Variants in GGA3 observed in about 807,000 individuals in gnomAD.
GGA3 encodes ADP-ribosylation factor-binding protein GGA3.
GGA3 carries 57 observed loss-of-function variants against 77.5 expected under a neutral mutation model. The ratio of observed to expected loss-of-function variants is 0.74; its 90% CI spans 0.59 to 0.92. GGA3 has a LOEUF of 0.92. GGA3 is among the 40% of genes least tolerant of loss of function. The pLI is 0.00. For missense variants in GGA3, 970 were observed against 914.9 expected, an observed-to-expected ratio of 1.06 and a Z score of -0.78; for synonymous variants, 416 against 383.7, an observed-to-expected ratio of 1.08 and a Z score of -0.98.
intron 11 of GGA3, 171 bp downstream of exon 11, chr17:75,240,641 G>A (rs896366228): frequency 1.2e-5 from 9 of 762,392 alleles, no homozygotes; most frequent in Admixed American, 2.9e-5. Context: ...CCACCGGGAG[G>A]ATGGCCCTGG....
chr17:75,238,672 A>G lies in GGA3; in HGVS notation c.2041T>C (p.Leu681=). The change falls in exon 16 of 17, where the codon TTG becomes CTG. Residue 681 remains leucine, a synonymous_variant. Coordinates refer to ENST00000537686, the MANE Select transcript of GGA3 (RefSeq NM_138619.4). ...CTCACCTTCAGTGGATTGGCCAGCA[A>G]CATGACCTGGGTGATGGCTGCAGGT... is the stretch of plus-strand genomic sequence containing the variant. ...QPPAAITQVM[L]LANPLKEKVR... 3 of 1,613,426 alleles carry G rather than the reference A, an allele frequency of 1.9e-6. No homozygotes were observed. The highest frequency in any genetic ancestry group is 2.2e-5 in the East Asian group (1 of 44,886).
intron 11 of GGA3, 70 bp downstream of exon 11, chr17:75,240,742 C>G (rs1387337268): frequency 5.3e-6 from 8 of 1,507,392 alleles, no homozygotes; most frequent in Non-Finnish European, 7.1e-6. Flanking sequence ...GCTCAGGGCT[C>G]CTAATTCCAC....
chr17:75,261,676 A>C (rs1598472843), upstream of GGA3: 33 of 1,320,272 alleles, frequency 2.5e-5, no homozygotes, highest in Non-Finnish European at 3.3e-5. Context: ...TCCTGAGAGG[A>C]GTGAGTGCCG....
chr17:75,242,873 G>A lies in GGA3; in HGVS notation c.567C>T (p.Asp189=), dbSNP rs2076612729. 6.2e-7 allele frequency: 1 copy of A among 1,614,084 alleles called. No homozygotes were observed. Among genetic ancestry groups the A allele is most frequent in the Non-Finnish European group, 8.5e-7 (1 of 1,179,924 alleles). ...AKLLKSKNPD[D]LQEANKLIKS... is the part of the protein sequence containing the mutation. ...TGATGAGCTTGTTGGCCTCCTGCAGGTCATCTGGGTTTTTGCTTTTCAGCA... is the reference window on the plus strand; with the variant it reads ...TGATGAGCTTGTTGGCCTCCTGCAGATCATCTGGGTTTTTGCTTTTCAGCA... The change falls in exon 7 of 17, where the codon GAC becomes GAT. Residue 189 remains aspartate, a synonymous_variant. Transcript: ENST00000537686.
At chr17:75,253,877 C>A (rs183257640) in intron 1 of GGA3, among the ~76,000 whole-genome samples, 1 of 152,124 alleles carries the variant, frequency 6.6e-6, no homozygotes, top group Non-Finnish European at 1.5e-5. Flanking sequence ...CTTAAAACCT[C>A]GTCAACTCGC....
chr17:75,237,697 C>G lies in GGA3; in HGVS notation c.*582G>C, dbSNP rs2076367494. 1 of 1,458,316 alleles carries G rather than the reference C, an allele frequency of 6.9e-7. No individual in the cohort carries two copies. Among genetic ancestry groups the G allele is most frequent in the South Asian group, 1.4e-5 (1 of 71,814 alleles). The allele number at this position is 1,458,316 out of a possible 1,614,324, so 90.3% of individuals were successfully genotyped here. A position where few individuals can be genotyped will look rare whatever the true frequency, so the allele number is the denominator to read the frequency against. ...ACTCCGTGGCCATTCCAGGACGATG[C>G]TGTCCACCAGAGGCAGGGCTGGGGA... On this transcript the variant is annotated 3_prime_UTR_variant, in exon 17 of 17. Coordinates refer to ENST00000537686, the MANE Select transcript of GGA3 (RefSeq NM_138619.4).
At chr17:75,260,925 G>A (rs187756895) in intron 1 of GGA3, among the ~76,000 whole-genome samples, 2 of 151,944 alleles carry the variant, frequency 1.3e-5, no homozygotes, top group South Asian at 4.2e-4. Flanking sequence ...TATGTGTGTG[G>A]GGGGGGAATT....
intron 1 of GGA3, among the ~76,000 whole-genome samples, chr17:75,250,863 C>A (rs745709018): frequency 1.3e-5 from 2 of 151,242 alleles, no homozygotes; most frequent in African/African-American, 2.4e-5. Context: ...GGATCACCTG[C>A]GTGAGGTTAG....
intron 12 of GGA3, 115 bp downstream of exon 12, chr17:75,240,227 C>T (rs2076494553): frequency 1.0e-5 from 12 of 1,147,382 alleles, no homozygotes; most frequent in East Asian, 7.7e-5. Flanking sequence ...CATTGTTCCC[C>T]GCTGCAGCTG....
chr17:75,252,763 C>G (rs1239321732), intron 1 of GGA3, among the ~76,000 whole-genome samples: 2 of 152,182 alleles, frequency 1.3e-5, no homozygotes, highest in Non-Finnish European at 2.9e-5. Context: ...TGATTTGTTT[C>G]TGCCCCACCC....
Position 75,239,789 on chromosome 17 carries a change from A to G in GGA3, c.1583T>C (p.Val528Ala), listed in dbSNP as rs748922509. 1.9e-6 allele frequency: 3 copies of G among 1,613,330 alleles called. No homozygotes were observed. In the Admixed American group the frequency reaches 5.0e-5, roughly 27 times the overall value. ...CCCCACATCTCCTCCCACTCATTAC[A>G]CTTTGGCCTCTTCTAGAAGCTGATC... ...ALDQLLEEAK[V>A]TSGLVKPTTS... Residue 528 changes from valine (V) to alanine (A), a missense_variant and splice_region_variant, in exon 13 of 17, where the codon GTG (valine) becomes GCG (alanine). Physicochemically the swap from Val to Ala is moderately conservative, Grantham distance 64. Coordinates refer to ENST00000537686, the MANE Select transcript of GGA3 (RefSeq NM_138619.4).
At position 75,237,590 on chromosome 17, in the gene GGA3, G is replaced by A. The variant is rs2076363676; in HGVS notation, c.*689C>T. 4 of 1,534,282 alleles carry A rather than the reference G, an allele frequency of 2.6e-6. No individual in the cohort carries two copies. Among genetic ancestry groups the A allele is most frequent in the Non-Finnish European group, 8.7e-7 (1 of 1,145,860 alleles). ...TTCCTTCCTATCCCTAGTTGGGCCT[G>A]TCATGAGGCCAAATTCCATGTCCTG... On this transcript the variant is annotated 3_prime_UTR_variant, in exon 17 of 17. Transcript: ENST00000537686.
chr17:75,255,431 G>A (rs189630821), intron 1 of GGA3, among the ~76,000 whole-genome samples: 2 of 151,740 alleles, frequency 1.3e-5, no homozygotes, highest in East Asian at 1.9e-4. Flanking sequence ...CCTCCTTTGC[G>A]TCCTCCTCTT....
chr17:75,243,560 TC>T lies in GGA3; in HGVS notation c.310del (p.Asp104ThrfsTer7). The stretch of plus-strand genomic sequence containing the variant: ...GGTCTTCACTTTCTCAGACACCCTG[TC>T]CCCCAGGTACTACATGGCAAAAGAA... ...IKVVSPKYLG[D>X]RVSEKVKTKV... is the part of the protein sequence containing the mutation. On this transcript the variant is annotated frameshift_variant, in exon 5 of 17. Coordinates refer to ENST00000537686, the MANE Select transcript of GGA3 (RefSeq NM_138619.4). LOFTEE classifies it high-confidence loss of function. 1 of 1,613,948 alleles carries T rather than the reference TC, an allele frequency of 6.2e-7. No individual in the cohort carries two copies. The highest frequency in any genetic ancestry group is 8.5e-7 in the Non-Finnish European group (1 of 1,179,954).
Position 75,248,494 on chromosome 17 carries a change from A to AAAAAAAAAAAAT in GGA3, c.41-1699_41-1698insATTTTTTTTTTT, listed in dbSNP as rs1598419606. Among the ~76,000 whole-genome samples the AAAAAAAAAAAAT allele has an allele frequency of 2.3e-4, 32 of 136,514 alleles. 1 individual carries two copies. In the East Asian group the frequency reaches 5.1e-3, roughly 22 times the overall value. The allele number at this position is 136,514 out of a possible 152,430, so 89.6% of individuals were successfully genotyped here. The stretch of plus-strand genomic sequence containing the variant: ...AAAAAAAAAAAAAAAAAAAAAAAAA[A>AAAAAAAAAAAAT]TCACCAGCTGGGCCGGGTGCAGTGG... On this transcript the variant is annotated intron_variant, in intron 1 of 16. Transcript: ENST00000537686.
At chr17:75,251,120 GCA>G (rs768734592) in intron 1 of GGA3, among the ~76,000 whole-genome samples, 1 of 151,842 alleles carries the variant, frequency 6.6e-6, no homozygotes, top group Non-Finnish European at 1.5e-5. Context: ...TTACAAACAA[GCA>G]GAAGCAAGAA....
chr17:75,247,341 C>A lies in GGA3; in HGVS notation c.41-545G>T, dbSNP rs779428242. Among the ~76,000 whole-genome samples the A allele has an allele frequency of 2.2e-4, 33 of 151,696 alleles. 1 individual carries two copies. Among genetic ancestry groups the A allele is most frequent in the Non-Finnish European group, 3.5e-4 (24 of 67,994 alleles). On this transcript the variant is annotated intron_variant, in intron 1 of 16. Coordinates refer to ENST00000537686, the MANE Select transcript of GGA3 (RefSeq NM_138619.4). ...ACAGTGGCACGATCTCGGCTCATTG[C>A]AGCCTCTGCCTCCCGGGTTCAAGTG...
rs144123067 is a variant in GGA3 at position 75,242,636 on chromosome 17, C to T, written c.610-163G>A. On this transcript the variant is annotated intron_variant, in intron 7 of 16. Transcript: ENST00000537686. ...CTATACTTCTGCTTTCACAACACTG[C>T]TCCCAACCCACTCCTCTCTTCCGTG... is the stretch of plus-strand genomic sequence containing the variant. Among the ~76,000 whole-genome samples, 480 of 152,286 alleles carry T rather than the reference C, an allele frequency of 3.2e-3. 3 individuals are homozygous for T. Among genetic ancestry groups the T allele is most frequent in the African/African-American group, 0.011 (460 of 41,544 alleles).
At position 75,239,847 on chromosome 17, in the gene GGA3, C is replaced by G. The variant is rs978833631; in HGVS notation, c.1525G>C (p.Gly509Arg). 2 of 1,613,896 alleles carry G rather than the reference C, an allele frequency of 1.2e-6. No homozygotes were observed. The highest frequency in any genetic ancestry group is 4.5e-5 in the East Asian group (2 of 44,890). Reference protein sequence around the residue: ...AVPGHHGLALGNSALHHLDAL... With the variant: ...AVPGHHGLALRNSALHHLDAL... ...TCCAGGTGGTGCAGCGCGCTGTTGC[C>G]CAACGCCAAGCCATGGTGCCCAGGG... Residue 509 changes from glycine (G) to arginine (R), a missense_variant, in exon 13 of 17, where the codon GGC (glycine) becomes CGC (arginine). Coordinates refer to ENST00000537686, the MANE Select transcript of GGA3 (RefSeq NM_138619.4).
Sources: gnomAD v4.1 joint callset for allele counts (sites outside exome capture counted in the v4.1 genomes callset) on GRCh38, gnomAD v4.1.1 for gene constraint, MANE v1.5 for transcripts, NCBI Gene and HGNC (gene_info 2026-07-23, HGNC 2026-07-21) for gene names.